Variants in GNAO1 observed in about 807,000 individuals in gnomAD.
GNAO1 encodes the protein G protein subunit alpha o1, also known as guanine nucleotide-binding protein G(o) subunit alpha.
For synonymous variants in GNAO1, 164 were observed against 180.7 expected, an observed-to-expected ratio of 0.91 and a Z score of 0.74; for missense variants, 166 against 478.7, an observed-to-expected ratio of 0.35 and a Z score of 6.10.
chr16:56,280,834 C>T (rs1297725482), intron 3 of GNAO1, among the ~76,000 whole-genome samples: 1 of 152,126 alleles, frequency 6.6e-6, no homozygotes, highest in Non-Finnish European at 1.5e-5. Context: ...CCCTTCCAAA[C>T]CTAAGGGGTT....
In GNAO1 at chr16:56,281,143, A is replaced by T. The variant is rs76083354; in HGVS notation, c.303+5071A>T. On this transcript the variant is annotated intron_variant, in intron 3 of 8. Transcript: ENST00000262493. ...CAGGGTCATGCAATACAAATTATAT[A>T]TGTATACAGTGTAGACATGGAAGCC... 7.5e-3 allele frequency among the ~76,000 whole-genome samples: 1,135 copies of T among 152,276 alleles called. 3 individuals are homozygous for T. Among genetic ancestry groups the T allele is most frequent in the Non-Finnish European group, 0.012 (783 of 68,022 alleles).
At position 56,289,542 on chromosome 16, in the gene GNAO1, C is replaced by T. The variant is rs550683120; in HGVS notation, c.303+13470C>T. 3.9e-5 allele frequency among the ~76,000 whole-genome samples: 6 copies of T among 152,270 alleles called. No homozygotes were observed. The East Asian group carries it at 1.2e-3, about 29-fold the overall frequency. On this transcript the variant is annotated intron_variant, in intron 3 of 8. Transcript: ENST00000262493. ...GTCAAGGGTAACCATGTCTCAGGGACGCAGGAGATGAGCGGCCCCATGCAA... is the reference window on the plus strand; with the variant it reads ...GTCAAGGGTAACCATGTCTCAGGGATGCAGGAGATGAGCGGCCCCATGCAA...
chr16:56,242,317 G>T (rs578084496), intron 2 of GNAO1, among the ~76,000 whole-genome samples: 15 of 152,276 alleles, frequency 9.9e-5, no homozygotes, highest in African/African-American at 3.6e-4. Flanking sequence ...AAATTGACAA[G>T]CTGATTCTAA....
At chr16:56,264,584 A>G (rs2036934338) in intron 2 of GNAO1, among the ~76,000 whole-genome samples, 1 of 152,154 alleles carries the variant, frequency 6.6e-6, no homozygotes, top group African/African-American at 2.4e-5. Flanking sequence ...TCTGCAAGTC[A>G]TTGTCAACAG....
intron 3 of GNAO1, among the ~76,000 whole-genome samples, chr16:56,303,057 C>T (rs1417471487): frequency 6.6e-6 from 1 of 152,212 alleles, no homozygotes; most frequent in African/African-American, 2.4e-5. Context: ...GGTTCTCTCC[C>T]CGGCCTGAAA....
At chr16:56,237,537 A>G (rs1473894074) in intron 2 of GNAO1, among the ~76,000 whole-genome samples, 1 of 152,160 alleles carries the variant, frequency 6.6e-6, no homozygotes, top group Admixed American at 6.5e-5. Context: ...CTCCCTGGAA[A>G]TCATTCTGAT....
At position 56,228,406 on chromosome 16, in the gene GNAO1, AGT is replaced by A. The variant is rs1156230048; in HGVS notation, c.161+35801_161+35802del. On this transcript the variant is annotated intron_variant, in intron 2 of 8. Coordinates refer to ENST00000262493, the MANE Select transcript of GNAO1 (RefSeq NM_020988.3). The stretch of plus-strand genomic sequence containing the variant: ...GTGAGTGTGTGTGTGTATATATGTG[AGT>A]GTGTGTGTGTATATATGTGAGTGTG... Among the ~76,000 whole-genome samples, 58 of 151,008 alleles carry A rather than the reference AGT, an allele frequency of 3.8e-4. 2 individuals carry two copies. The highest frequency in any genetic ancestry group is 1.2e-4 in the African/African-American group (5 of 41,132).
chr16:56,335,262 A>C (rs1429252106), intron 5 of GNAO1, among the ~76,000 whole-genome samples: 7 of 152,214 alleles, frequency 4.6e-5, no homozygotes, highest in African/African-American at 7.2e-5. Context: ...AAGTAATCCC[A>C]GAGCTGGAAG....
At chr16:56,293,509 T>G (rs767186753) in intron 3 of GNAO1, among the ~76,000 whole-genome samples, 7 of 152,348 alleles carry the variant, frequency 4.6e-5, no homozygotes, top group Non-Finnish European at 8.8e-5. Flanking sequence ...GAGTCCCATG[T>G]TCTGTGTGCA....
At chr16:56,316,094 C>T (rs116467936) in intron 3 of GNAO1, among the ~76,000 whole-genome samples, 115 of 152,136 alleles carry the variant, frequency 7.6e-4, no homozygotes, top group African/African-American at 2.6e-3. Context: ...CTCCATCCTG[C>T]GTTTCCTCTC....
intron 2 of GNAO1, among the ~76,000 whole-genome samples, chr16:56,223,261 C>T (rs533563587): frequency 6.6e-6 from 1 of 152,278 alleles, no homozygotes; most frequent in Admixed American, 6.5e-5. Flanking sequence ...TGGCTGGAAA[C>T]CGAGGGCTGT....
At chr16:56,280,971 T>C (rs1396056518) in intron 3 of GNAO1, among the ~76,000 whole-genome samples, 7 of 152,078 alleles carry the variant, frequency 4.6e-5, no homozygotes, top group African/African-American at 1.7e-4. Context: ...TGGAAAAGGG[T>C]GGGCCTAATT....
At chr16:56,287,372 C>T (rs1393609257) in intron 3 of GNAO1, among the ~76,000 whole-genome samples, 1 of 152,260 alleles carries the variant, frequency 6.6e-6, no homozygotes, top group African/African-American at 2.4e-5. Flanking sequence ...CCTGGCCCTG[C>T]CCTCTGCCAG....
intron 6 of GNAO1, chr16:56,344,357 G>A (rs749354317): frequency 1.1e-5 from 12 of 1,044,928 alleles, no homozygotes; most frequent in Non-Finnish European, 1.4e-5. Flanking sequence ...GTGCTGGCAG[G>A]GTGGGGTCAT....
intron 3 of GNAO1, among the ~76,000 whole-genome samples, chr16:56,324,985 C>T (rs772194976): frequency 2.6e-5 from 4 of 152,234 alleles, no homozygotes; most frequent in Admixed American, 6.5e-5. Flanking sequence ...ACAGACCTTT[C>T]GTTGGCGACA....
chr16:56,223,352 T>C (rs142921685), intron 2 of GNAO1, among the ~76,000 whole-genome samples: 2 of 152,356 alleles, frequency 1.3e-5, no homozygotes, highest in African/African-American at 2.4e-5. Flanking sequence ...CAGTGGCAAG[T>C]TGAGTTTTTC....
chr16:56,192,028 G>T lies in GNAO1; in HGVS notation c.-208G>T. 1 of 574,610 alleles carries T rather than the reference G, an allele frequency of 1.7e-6. No individual in the cohort carries two copies. Among genetic ancestry groups the T allele is most frequent in the Middle Eastern group, 4.6e-4 (1 of 2,164 alleles). 35.6% of individuals were successfully genotyped at this position (574,610 alleles called of 1,614,324 possible). ...CGACAACCCCAGACCCCTGCCAGCT[G>T]CCGCGAGTCTCCGCTGCTGGAATCT... is the stretch of plus-strand genomic sequence containing the variant. On this transcript the variant is annotated 5_prime_UTR_variant, in exon 1 of 9. Coordinates refer to ENST00000262493, the MANE Select transcript of GNAO1 (RefSeq NM_020988.3).
intron 2 of GNAO1, among the ~76,000 whole-genome samples, chr16:56,265,293 C>T (rs1365205992): frequency 3.3e-5 from 5 of 152,248 alleles, no homozygotes; most frequent in Admixed American, 6.5e-5. Flanking sequence ...CTGAAGTCAT[C>T]TCTGGCCATG....
intron 3 of GNAO1, among the ~76,000 whole-genome samples, chr16:56,288,729 G>A (rs1335624828): frequency 1.3e-5 from 2 of 152,168 alleles, no homozygotes; most frequent in African/African-American, 4.8e-5. Flanking sequence ...GAACTCAGCA[G>A]CAGGGGTGGA....
Sources: gnomAD v4.1 joint callset for allele counts (sites outside exome capture counted in the v4.1 genomes callset) on GRCh38, gnomAD v4.1.1 for gene constraint, MANE v1.5 for transcripts, NCBI Gene and HGNC (gene_info 2026-07-23, HGNC 2026-07-21) for gene names.